Variants in SORCS3 observed in about 807,000 individuals in gnomAD.
SORCS3 encodes VPS10 domain-containing receptor SorCS3.
Under a neutral mutation model 146.3 loss-of-function variants are expected in SORCS3, and 57 were observed. The ratio of observed to expected loss-of-function variants is 0.39; its 90% CI spans 0.31 to 0.49. SORCS3 has a LOEUF of 0.49. Ranked by LOEUF, SORCS3 falls within the 20% of genes least tolerant of loss-of-function variation. SORCS3 has a pLI of 0.92. For missense variants in SORCS3, 1,341 were observed against 1,575.5 expected, an observed-to-expected ratio of 0.85 and a Z score of 2.52; for synonymous variants, 653 against 618.5, an observed-to-expected ratio of 1.06 and a Z score of -0.83.
At chr10:105,108,131 G>A (rs2055835662) in intron 7 of SORCS3, among the ~76,000 whole-genome samples, 1 of 152,126 alleles carries the variant, frequency 6.6e-6, no homozygotes, top group South Asian at 2.1e-4. Flanking sequence ...AGCTATAAAG[G>A]TATTGCTGTT....
chr10:104,987,948 C>T (rs577951567), intron 4 of SORCS3, among the ~76,000 whole-genome samples: 2 of 152,188 alleles, frequency 1.3e-5, no homozygotes, highest in South Asian at 2.1e-4. Context: ...TGTTACTTTA[C>T]TCAGAGTTGG....
intron 22 of SORCS3, among the ~76,000 whole-genome samples, chr10:105,249,760 C>A (rs920845886): frequency 2.0e-5 from 3 of 152,004 alleles, no homozygotes; most frequent in Admixed American, 6.5e-5. Flanking sequence ...GTGGTGCATG[C>A]TGGTAGTCCC....
chr10:104,673,738 C>T (rs1420884817), intron 1 of SORCS3, among the ~76,000 whole-genome samples: 1 of 152,150 alleles, frequency 6.6e-6, no homozygotes, highest in Non-Finnish European at 1.5e-5. Flanking sequence ...AGGCATGAGC[C>T]ACTGCACCCA....
At chr10:104,870,316 C>T (rs530974256) in intron 2 of SORCS3, among the ~76,000 whole-genome samples, 40 of 152,186 alleles carry the variant, frequency 2.6e-4, no homozygotes, top group Non-Finnish European at 5.6e-4. Context: ...TAGTAAATGA[C>T]AATGAGTAGA....
At chr10:104,809,509 G>A (rs2017717578) in intron 1 of SORCS3, among the ~76,000 whole-genome samples, 1 of 152,188 alleles carries the variant, frequency 6.6e-6, no homozygotes, top group African/African-American at 2.4e-5. Context: ...CATTGTTTCT[G>A]TCATATTGTT....
chr10:104,970,260 C>A (rs1412711756), intron 3 of SORCS3, among the ~76,000 whole-genome samples: 3 of 152,160 alleles, frequency 2.0e-5, no homozygotes, highest in Non-Finnish European at 4.4e-5. Flanking sequence ...GATTCTCATG[C>A]CTCAGCCTCC....
intron 16 of SORCS3, among the ~76,000 whole-genome samples, chr10:105,210,601 G>A (rs1242912113): frequency 6.6e-6 from 1 of 152,088 alleles, no homozygotes; most frequent in East Asian, 1.9e-4. Context: ...ATTTTATTAT[G>A]GCTAGGATTT....
intron 14 of SORCS3, among the ~76,000 whole-genome samples, chr10:105,194,795 C>A (rs923721522): frequency 2.0e-5 from 3 of 152,110 alleles, no homozygotes; most frequent in Non-Finnish European, 2.9e-5. Context: ...GATTGATGGT[C>A]TGGGTAAGTT....
intron 1 of SORCS3, among the ~76,000 whole-genome samples, chr10:104,666,423 C>T (rs1014271119): frequency 2.0e-5 from 3 of 152,048 alleles, no homozygotes; most frequent in African/African-American, 4.8e-5. Context: ...TAAAATAGGA[C>T]GCAGTCACAG....
intron 18 of SORCS3, among the ~76,000 whole-genome samples, chr10:105,216,516 A>G (rs866012603): frequency 2.0e-5 from 3 of 152,072 alleles, no homozygotes; most frequent in Middle Eastern, 3.2e-3. Context: ...TATAATATGG[A>G]ATTATGAGGA....
chr10:104,721,739 A>G (rs1220213211), intron 1 of SORCS3, among the ~76,000 whole-genome samples: 1 of 151,898 alleles, frequency 6.6e-6, no homozygotes, highest in Non-Finnish European at 1.5e-5. Flanking sequence ...CTTTGAAGCA[A>G]TTGTGAATGG....
intron 1 of SORCS3, among the ~76,000 whole-genome samples, chr10:104,802,541 A>G (rs1379190979): frequency 2.0e-5 from 3 of 152,224 alleles, no homozygotes; most frequent in East Asian, 1.9e-4. Context: ...GTGTAGGACC[A>G]TGAAATCTGG....
At chr10:104,796,464 G>A (rs1419466444) in intron 1 of SORCS3, among the ~76,000 whole-genome samples, 1 of 149,946 alleles carries the variant, frequency 6.7e-6, no homozygotes, top group Non-Finnish European at 1.5e-5. Flanking sequence ...AGAAAGAAAA[G>A]AGCAGACTTC....
chr10:105,216,283 T>C (rs1259713399), intron 18 of SORCS3, among the ~76,000 whole-genome samples: 1 of 152,184 alleles, frequency 6.6e-6, no homozygotes, highest in Non-Finnish European at 1.5e-5. Flanking sequence ...TCCCTGCTGT[T>C]GTTTTGCAGA....
chr10:105,149,580 T>C (rs141428923), intron 9 of SORCS3, among the ~76,000 whole-genome samples: 28 of 152,274 alleles, frequency 1.8e-4, no homozygotes, highest in Non-Finnish European at 3.4e-4. Context: ...TTTGGATTAA[T>C]GTTCCCAGGA....
chr10:105,234,074 TTTC>T (rs1381244443), intron 20 of SORCS3, among the ~76,000 whole-genome samples: 2 of 152,156 alleles, frequency 1.3e-5, no homozygotes, highest in Admixed American at 1.3e-4. Context: ...TACTGACAAG[TTTC>T]TTAAGTTTTT....
At chr10:104,738,587 C>T (rs1205654898) in intron 1 of SORCS3, among the ~76,000 whole-genome samples, 1 of 152,092 alleles carries the variant, frequency 6.6e-6, no homozygotes, top group Non-Finnish European at 1.5e-5. Flanking sequence ...TGCTTTGGGA[C>T]AGATCTTTAT....
At chr10:104,926,238 CT>C (rs2019143591) in intron 3 of SORCS3, among the ~76,000 whole-genome samples, 1 of 152,236 alleles carries the variant, frequency 6.6e-6, no homozygotes, top group Admixed American at 6.5e-5. Flanking sequence ...TCTTCCTTGT[CT>C]CTTAAAACCA....
intron 20 of SORCS3, among the ~76,000 whole-genome samples, chr10:105,226,960 C>T (rs773914116): frequency 3.3e-5 from 5 of 151,676 alleles, no homozygotes; most frequent in Non-Finnish European, 7.4e-5. Flanking sequence ...TTGGTTAGTC[C>T]AGCAAGTGGT....
Sources: allele counts gnomAD v4.1 joint callset (sites outside exome capture counted in the v4.1 genomes callset), GRCh38; gene constraint gnomAD v4.1.1; transcripts MANE v1.5; gene names NCBI Gene and HGNC (gene_info 2026-07-23, HGNC 2026-07-21).